TTN: variants seen among roughly 807,000 people sequenced by gnomAD.
TTN encodes connectin.
In TTN, 1,525 loss-of-function variants were observed where a neutral mutation model predicts 3,223.0. The observed-to-expected ratio is 0.47, with a 90% CI of 0.45 to 0.49. The LOEUF is 0.49. Ranked by LOEUF, TTN falls within the 20% of genes least tolerant of loss-of-function variation. TTN has a pLI of 0.00. For missense variants in TTN, 40,786 were observed against 43,424.0 expected (o/e 0.94, Z 5.40); for synonymous variants, 14,094 against 15,161.0 (o/e 0.93, Z 5.17).
In TTN at chr2:178,568,653, G is replaced by C. The variant is rs1352689122; in HGVS notation, c.77479C>G (p.Pro25827Ala). 2 of 1,613,216 alleles carry C rather than the reference G, an allele frequency of 1.2e-6. No individual in the cohort carries two copies. Among genetic ancestry groups the C allele is most frequent in the African/African-American group, 2.7e-5 (2 of 74,846 alleles). Residue 25827 changes from proline (P) to alanine (A), a missense_variant, in exon 326 of 363, where the codon CCA becomes GCA. Coordinates refer to ENST00000589042, the MANE Select transcript of TTN (RefSeq NM_001267550.2). The part of the protein sequence containing the change: ...IEVPISGRPK[P>A]TITWTKDGLP... ...CCATCTTTAGTCCAGGTAATGGTTG[G>C]CTTAGGACGTCCAGAAATTGGCACT...
chr2:178,543,040 T>A (rs1470516645), intron 347 of TTN, 29 bp downstream of exon 347: 1 of 1,510,408 alleles, frequency 6.6e-7, no homozygotes, highest in African/African-American at 1.4e-5. Flanking sequence ...ACTTTACTTT[T>A]TTTTTTTTTT....
In TTN at chr2:178,774,435, C is replaced by G. The variant is rs373469418; in HGVS notation, c.6829G>C (p.Glu2277Gln). The G allele has an allele frequency of 2.0e-5, 33 of 1,613,436 alleles. No homozygotes were observed. Among genetic ancestry groups the G allele is most frequent in the Non-Finnish European group, 2.7e-5 (32 of 1,179,946 alleles). ...VEFVKELQDI[E>Q]VPESYSGELE... The stretch of plus-strand genomic sequence containing the variant: ...TCTCCTGAATATGATTCTGGAACTT[C>G]TATGTCCTGAAGTTCTTTCACAAAC... The change falls in exon 30 of 363, where the codon GAA (glutamate) becomes CAA (glutamine). Residue 2277 changes from glutamate to glutamine, a missense_variant. Physicochemically the swap from Glu to Gln is conservative, Grantham distance 29 (BLOSUM62 2). Coordinates refer to ENST00000589042, the MANE Select transcript of TTN (RefSeq NM_001267550.2).
chr2:178,605,654 G>C lies in TTN; in HGVS notation c.53641C>G (p.Leu17881Val), dbSNP rs771801125. The change falls in exon 279 of 363, where the codon CTT becomes GTT. Residue 17881 changes from leucine (L) to valine (V), a missense_variant. Physicochemically the swap from Leu to Val is conservative, Grantham distance 32. Coordinates refer to ENST00000589042, the MANE Select transcript of TTN (RefSeq NM_001267550.2). The part of the protein sequence containing the change: ...YTERTKSTIT[L>V]DWKEPRSNGG... ...TTACTGCGGGGCTCTTTCCAGTCAA[G>C]TGTGATAGTGGACTTTGTCCTTTCA... 8.1e-6 allele frequency: 13 copies of C among 1,609,800 alleles called. No individual in the cohort carries two copies. The highest frequency in any genetic ancestry group is 1.0e-5 in the Non-Finnish European group (12 of 1,177,318).
Position 178,774,084 on chromosome 2 carries a change from G to A in TTN, c.7084C>T (p.Leu2362Phe). The change falls in exon 31 of 363, where the codon CTT becomes TTT. Residue 2362 changes from leucine to phenylalanine, a missense_variant. Transcript: ENST00000589042. ...CCCTCACAGACTTTTTGGTCACTAA[G>A]TCCTTGTAGGATAGCAATGGGGCGG... Reference protein sequence around the residue: ...KPRPIAILQGLSDQKVCEGDI... With the variant: ...KPRPIAILQGFSDQKVCEGDI... The A allele has an allele frequency of 6.2e-7, 1 of 1,614,066 alleles. No homozygotes were observed. The highest frequency in any genetic ancestry group is 8.5e-7 in the Non-Finnish European group (1 of 1,179,992).
At position 178,552,000 on chromosome 2, in the gene TTN, T is replaced by A. The variant is rs770641872; in HGVS notation, c.90900A>T (p.Arg30300Ser). Reference sequence around the variant, plus strand: ...GGCTGACTCCGTATCTGTTTTCTGCTCTCACTCTAAACTGGTACTCAGCAT... The same window carrying A: ...GGCTGACTCCGTATCTGTTTTCTGCACTCACTCTAAACTGGTACTCAGCAT... ...VKDAEYQFRV[R>S]AENRYGVSQP... The change falls in exon 335 of 363, where the codon AGA (arginine) becomes AGT (serine). Residue 30300 changes from arginine to serine, a missense_variant. Physicochemically the swap from Arg to Ser is moderately radical, Grantham distance 110. Coordinates refer to ENST00000589042, the MANE Select transcript of TTN (RefSeq NM_001267550.2). The A allele has an allele frequency of 9.3e-6, 15 of 1,611,758 alleles. No homozygotes were observed. Among genetic ancestry groups the A allele is most frequent in the Non-Finnish European group, 1.3e-5 (15 of 1,178,252 alleles).
At chr2:178,550,567 G>A in intron 336 of TTN, 1 of 422,268 alleles carries the variant, frequency 2.4e-6, no homozygotes, top group Non-Finnish European at 4.2e-6. Flanking sequence ...CTGCTGCACA[G>A]TCACACAAGT....
chr2:178,748,187 G>C, intron 47 of TTN: 1 of 1,613,148 alleles, frequency 6.2e-7, no homozygotes, highest in Non-Finnish European at 8.5e-7. Context: ...TGCAGATGAG[G>C]TTGGAAGTAG....
intron 208 of TTN, 106 bp downstream of exon 208, chr2:178,651,137 T>G: frequency 2.2e-6 from 2 of 904,174 alleles, no homozygotes; most frequent in Non-Finnish European, 3.4e-6. Flanking sequence ...AATGACAGTT[T>G]TGTAGTTGCA....
intron 48 of TTN, 144 bp from the exon 49 acceptor site, chr2:178,738,504 G>T: frequency 2.0e-6 from 2 of 1,003,094 alleles, no homozygotes; most frequent in Non-Finnish European, 2.7e-6. Context: ...GCAAGTGACT[G>T]GAAAATGAGA....
rs794729621 is a variant in TTN, at chr2:178,799,835, C to A, written c.659G>T (p.Arg220Leu). Residue 220 changes from arginine (R) to leucine (L), a missense_variant, in exon 5 of 363, where the codon CGA becomes CTA. Coordinates refer to ENST00000589042, the MANE Select transcript of TTN (RefSeq NM_001267550.2). Reference sequence around the variant, plus strand: ...AGTATAGAAAAATACCTTTTCAATTCGGGTTTGTCTTGATTCTGAGATCTG... The same window carrying A: ...AGTATAGAAAAATACCTTTTCAATTAGGGTTTGTCTTGATTCTGAGATCTG... ...TAQISESRQTRIEKKIEAHFD... is the reference protein window; with the variant it reads ...TAQISESRQTLIEKKIEAHFD... 3.1e-6 allele frequency: 5 copies of A among 1,614,098 alleles called. No homozygotes were observed. The highest frequency in any genetic ancestry group is 4.2e-6 in the Non-Finnish European group (5 of 1,180,010).
Position 178,575,778 on chromosome 2 carries a change from C to T in TTN, c.70354G>A (p.Val23452Ile). ...AGAGGGAGGTCCCAGTGCAGGGTGA[C>T]ACTGTCCTTTGTGATGTCTGTAGGC... ...LRPTDITKDS[V>I]TLHWDLPLID... Residue 23452 changes from valine (V) to isoleucine (I), a missense_variant, in exon 326 of 363, where the codon GTC becomes ATC. Val to Ile is a conservative substitution (Grantham distance 29, BLOSUM62 3). Transcript: ENST00000589042. This position sits in a 1 kb window ranked among gnomAD's most constrained non-coding sequence, Gnocchi z 4.0. 1 of 1,613,370 alleles carries T rather than the reference C, an allele frequency of 6.2e-7. No individual in the cohort carries two copies. The highest frequency in any genetic ancestry group is 8.5e-7 in the Non-Finnish European group (1 of 1,179,446).
intron 67 of TTN, 59 bp downstream of exon 67, chr2:178,728,051 G>A: frequency 6.7e-7 from 1 of 1,483,546 alleles, no homozygotes; most frequent in Non-Finnish European, 9.0e-7. Context: ...AAAGGCAAGA[G>A]TGATACATTT....
At position 178,702,377 on chromosome 2, in the gene TTN, G is replaced by A. The variant is rs1322730288; in HGVS notation, c.30433+77C>T. On this transcript the variant is annotated intron_variant, in intron 107 of 362. Coordinates refer to ENST00000589042, the MANE Select transcript of TTN (RefSeq NM_001267550.2). ...CATTCTAGATAGAATGAGAGCATGA[G>A]CGCATACAGGGTAGAAATACAGAAA... 5 of 1,602,900 alleles carry A rather than the reference G, an allele frequency of 3.1e-6. No homozygotes were observed. The South Asian group carries it at 4.4e-5, about 14-fold the overall frequency.
At chr2:178,793,326 C>G in intron 9 of TTN, 78 bp downstream of exon 9, 1 of 1,561,058 alleles carries the variant, frequency 6.4e-7, no homozygotes, top group Non-Finnish European at 8.7e-7. Flanking sequence ...AGGAACAACA[C>G]TCTTCATGGT....
In TTN at chr2:178,678,460, C is replaced by A; in HGVS notation, c.33864G>T (p.Lys11288Asn). Residue 11288 changes from lysine to asparagine, a missense_variant, in exon 144 of 363, where the codon AAG becomes AAT. Physicochemically the swap from Lys to Asn is moderately conservative, Grantham distance 94 (BLOSUM62 0). Coordinates refer to ENST00000589042, the MANE Select transcript of TTN (RefSeq NM_001267550.2). ...CTTTCTTAGGAGCAGGAACTGGCAC[C>A]TTCTTCTCAGGCACAGGCTTCTTGG... ...EVPKKPVPEKKVPVPAPKKVE... is the reference protein window; with the variant it reads ...EVPKKPVPEKNVPVPAPKKVE... 1 of 1,595,736 alleles carries A rather than the reference C, an allele frequency of 6.3e-7. No homozygotes were observed. The highest frequency in any genetic ancestry group is 8.5e-7 in the Non-Finnish European group (1 of 1,171,574).
At chr2:178,597,326 A>G (rs971016984) in intron 294 of TTN, among the ~76,000 whole-genome samples, 3 of 152,098 alleles carry the variant, frequency 2.0e-5, no homozygotes, top group African/African-American at 7.2e-5. Context: ...TCTCAATTAT[A>G]TAATTTGTAA....
At chr2:178,661,692 A>AT (rs2064761566) in intron 180 of TTN, 67 bp downstream of exon 180, 2 of 1,071,784 alleles carry the variant, frequency 1.9e-6, no homozygotes, top group African/African-American at 2.0e-5. Context: ...ATATATATAT[A>AT]AAAAGAAAAA....
chr2:178,601,083 C>A lies in TTN; in HGVS notation c.55821G>T (p.Gly18607=), dbSNP rs2053309288. The A allele has an allele frequency of 6.2e-7, 1 of 1,607,962 alleles. No individual in the cohort carries two copies. The part of the protein sequence containing the change: ...HLSWKPPKND[G]GSPVTHYIVE... The stretch of plus-strand genomic sequence containing the variant: ...CAATATAGTGGGTAACAGGGGAGCC[C>A]CCATCATTCTTCGGGGGTTTCCATG... The change falls in exon 288 of 363, where the codon GGG becomes GGT. Residue 18607 remains glycine (G), a synonymous_variant. Transcript: ENST00000589042.
chr2:178,576,073 T>A lies in TTN; in HGVS notation c.70059A>T (p.Thr23353=), dbSNP rs1174326827. 1 of 1,613,542 alleles carries A rather than the reference T, an allele frequency of 6.2e-7. No homozygotes were observed. The highest frequency in any genetic ancestry group is 1.3e-5 in the African/African-American group (1 of 75,004). Residue 23353 remains threonine (T), a synonymous_variant, in exon 326 of 363, where the codon ACA becomes ACT. Coordinates refer to ENST00000589042, the MANE Select transcript of TTN (RefSeq NM_001267550.2). This position sits in a 1 kb window ranked among gnomAD's most constrained non-coding sequence, Gnocchi z 4.3. ...DFELDAELRR[T]LVVRAGLSIR... is the part of the protein sequence containing the mutation. ...TACTGAGTCCTGCTCTAACAACAAGTGTTCTTCGAAGCTCGGCATCTAGTT... is the reference window on the plus strand; with the variant it reads ...TACTGAGTCCTGCTCTAACAACAAGAGTTCTTCGAAGCTCGGCATCTAGTT...
Sources: allele counts gnomAD v4.1 joint callset (sites outside exome capture counted in the v4.1 genomes callset), GRCh38; gene constraint gnomAD v4.1.1; non-coding constraint Gnocchi (gnomAD v3.1); transcripts MANE v1.5; gene names NCBI Gene and HGNC (gene_info 2026-07-23, HGNC 2026-07-21).